Variants in ECT2L observed in about 807,000 individuals in gnomAD.
The protein encoded by ECT2L is epithelial cell transforming 2 like, also known as epithelial cell-transforming sequence 2 oncogene-like.
Under a neutral mutation model 122.8 loss-of-function variants are expected in ECT2L, and 126 were observed. That is an observed-to-expected ratio of 1.03 (90% CI 0.89 to 1.19). The LOEUF is 1.19. Among genes scored for constraint, ECT2L ranks in the 50% most tolerant of loss-of-function variants. The probability of loss-of-function intolerance (pLI) is 0.00; values close to 1 mark genes in which losing one functional copy is unlikely to be tolerated. For synonymous variants in ECT2L, 385 were observed against 381.8 expected (o/e 1.01, Z -0.10); for missense variants, 1,012 against 1,064.1 (o/e 0.95, Z 0.68).
chr6:138,828,540 G>A (rs1448570938), intron 4 of ECT2L, among the ~76,000 whole-genome samples: 1 of 152,182 alleles, frequency 6.6e-6, no homozygotes, highest in Non-Finnish European at 1.5e-5. Flanking sequence ...GCGAGTTCCA[G>A]TGGTTTTTGT....
chr6:138,829,962 G>A (rs9376373), intron 4 of ECT2L, among the ~76,000 whole-genome samples: 8,874 of 152,144 alleles, frequency 0.058, 373 homozygotes, highest in East Asian at 0.21. Context: ...GTCCTGAAGC[G>A]ATCTGCCAAC....
chr6:138,884,228 G>A (rs933446693), intron 16 of ECT2L, among the ~76,000 whole-genome samples: 1 of 152,308 alleles, frequency 6.6e-6, no homozygotes, highest in Non-Finnish European at 1.5e-5. Flanking sequence ...CGAAAGTCCA[G>A]TAATGAAATC....
intron 4 of ECT2L, among the ~76,000 whole-genome samples, chr6:138,833,222 A>G (rs978708732): frequency 2.0e-5 from 3 of 152,194 alleles, no homozygotes; most frequent in East Asian, 1.9e-4. Context: ...AAGCCAAACC[A>G]TATCACATAG....
intron 4 of ECT2L, among the ~76,000 whole-genome samples, chr6:138,821,500 G>A (rs924971176): frequency 3.9e-5 from 6 of 152,192 alleles, no homozygotes; most frequent in African/African-American, 1.4e-4. Context: ...TTAGGCCCAT[G>A]CCCACTTCTG....
chr6:138,868,331 A>G (rs373676709), intron 13 of ECT2L, 125 bp downstream of exon 13: 1 of 727,038 alleles, frequency 1.4e-6, no homozygotes, highest in African/African-American at 1.8e-5. Flanking sequence ...GAGAAATTAC[A>G]TCAGTTTATA....
chr6:138,867,830 AAAAT>A (rs34144362), intron 12 of ECT2L, among the ~76,000 whole-genome samples: 1 of 148,418 alleles, frequency 6.7e-6, no homozygotes. Context: ...ACTCCATCTC[AAAAT>A]AAATAAATAA....
intron 20 of ECT2L, among the ~76,000 whole-genome samples, chr6:138,890,492 C>CTATTTTTTTTTTTT (rs1778980128): frequency 1.3e-5 from 1 of 78,990 alleles, no homozygotes; most frequent in African/African-American, 5.6e-5. Flanking sequence ...TTTCTTTGAT[C>CTATTTTTTTTTTTT]TTTTTTTTTT....
chr6:138,899,822 T>TTGGGGAGTGGGAGGG (rs1779338016), intron 20 of ECT2L, among the ~76,000 whole-genome samples: 1 of 130,318 alleles, frequency 7.7e-6, no homozygotes, highest in Non-Finnish European at 1.6e-5. Flanking sequence ...GGAGGGGGAA[T>TTGGGGAGTGGGAGGG]TGGGGAGTGG....
At position 138,813,207 on chromosome 6, in the gene ECT2L, T is replaced by C. The variant is rs1162648884; in HGVS notation, c.-68T>C. ...TTGCACACCTATTGAAATAAACCTGTAGTTTCTAGAAGTGGAAGAAAATTT... is the reference window on the plus strand; with the variant it reads ...TTGCACACCTATTGAAATAAACCTGCAGTTTCTAGAAGTGGAAGAAAATTT... On this transcript the variant is annotated 5_prime_UTR_variant, in exon 3 of 22. Coordinates refer to ENST00000541398, the MANE Select transcript of ECT2L (RefSeq NM_001077706.3). The C allele has an allele frequency of 1.8e-6, 2 of 1,123,066 alleles. No individual in the cohort carries two copies. The highest frequency in any genetic ancestry group is 2.6e-6 in the Non-Finnish European group (2 of 757,086). 69.6% of individuals were successfully genotyped at this position (1,123,066 alleles called of 1,614,324 possible).
At chr6:138,814,676 T>A in intron 4 of ECT2L, 73 bp downstream of exon 4, 1 of 919,648 alleles carries the variant, frequency 1.1e-6, no homozygotes, top group Non-Finnish European at 1.6e-6. Context: ...ATATAACCTT[T>A]AAGAGATTTT....
intron 14 of ECT2L, chr6:138,878,926 A>T (rs950145477): frequency 3.9e-5 from 6 of 153,268 alleles, no homozygotes; most frequent in African/African-American, 1.4e-4. Flanking sequence ...ATGAAAGAAT[A>T]GAGCAAACTA....
chr6:138,839,431 C>T (rs1776964353), intron 5 of ECT2L, among the ~76,000 whole-genome samples: 1 of 150,196 alleles, frequency 6.7e-6, no homozygotes, highest in Non-Finnish European at 1.5e-5. Context: ...GTGGTGTGAT[C>T]TGGCTCATTG....
At chr6:138,882,420 C>G (rs2128407706) in intron 15 of ECT2L, among the ~76,000 whole-genome samples, 1 of 152,348 alleles carries the variant, frequency 6.6e-6, no homozygotes, top group South Asian at 2.1e-4. Flanking sequence ...TTTCACCCAT[C>G]TGCCTATCTG....
At chr6:138,865,841 C>T (rs1453059964) in intron 12 of ECT2L, among the ~76,000 whole-genome samples, 1 of 152,224 alleles carries the variant, frequency 6.6e-6, no homozygotes, top group Non-Finnish European at 1.5e-5. Context: ...TCCCCTACTA[C>T]TTTCCGCCTG....
At chr6:138,839,449 T>C (rs1216395969) in intron 5 of ECT2L, among the ~76,000 whole-genome samples, 1 of 152,014 alleles carries the variant, frequency 6.6e-6, no homozygotes, top group Non-Finnish European at 1.5e-5. Flanking sequence ...TTGCAACCTC[T>C]GTCTCCCAGG....
intron 20 of ECT2L, among the ~76,000 whole-genome samples, chr6:138,889,643 A>C (rs1778950771): frequency 6.6e-6 from 1 of 152,166 alleles, no homozygotes; most frequent in Non-Finnish European, 1.5e-5. Flanking sequence ...GCTAAGCTCC[A>C]AGTGTTGTGG....
At chr6:138,895,478 G>A (rs1024892539) in intron 20 of ECT2L, among the ~76,000 whole-genome samples, 3 of 152,102 alleles carry the variant, frequency 2.0e-5, no homozygotes, top group Admixed American at 6.6e-5. Flanking sequence ...AGGCAGTGCC[G>A]TTTCCAGTGA....
intron 12 of ECT2L, 75 bp from the exon 13 acceptor site, chr6:138,868,028 G>C: frequency 1.6e-6 from 1 of 631,262 alleles, no homozygotes; most frequent in Non-Finnish European, 2.5e-6. Context: ...AAGAAACTGT[G>C]AGGACTGAGT....
intron 14 of ECT2L, chr6:138,879,165 T>G: frequency 3.8e-6 from 1 of 261,772 alleles, no homozygotes; most frequent in Non-Finnish European, 7.7e-6. Flanking sequence ...CTGATCCGCC[T>G]CATTGACAAG....
Sources: gnomAD v4.1 joint callset for allele counts (sites outside exome capture counted in the v4.1 genomes callset) on GRCh38, gnomAD v4.1.1 for gene constraint, MANE v1.5 for transcripts, NCBI Gene and HGNC (gene_info 2026-07-23, HGNC 2026-07-21) for gene names.